C8orf89: variants seen among roughly 807,000 people sequenced by gnomAD.
C8orf89 encodes chromosome 8 open reading frame 89.
C8orf89 carries 14 observed loss-of-function variants against 15.8 expected under a neutral mutation model. That is an observed-to-expected ratio of 0.89 (90% CI 0.59 to 1.39). The LOEUF (loss-of-function observed/expected upper bound fraction) is 1.39, where lower values mean the gene tolerates loss of function less well. Ranked by LOEUF, C8orf89 falls within the 40% of genes most tolerant of loss-of-function variation. The pLI is 0.00. For synonymous variants in C8orf89, 55 were observed against 62.2 expected, an observed-to-expected ratio of 0.88 and a Z score of 0.54; for missense variants, 181 against 184.5, an observed-to-expected ratio of 0.98 and a Z score of 0.11.
intron 2 of C8orf89, 81 bp from the exon 3 acceptor site, chr8:73,250,404 T>C: frequency 1.3e-6 from 1 of 758,000 alleles, no homozygotes; most frequent in Non-Finnish European, 2.2e-6. Flanking sequence ...TAACATCACA[T>C]AGACATTAAA....
At chr8:73,271,833 A>C in the C8orf89 span, among the ~76,000 whole-genome samples, 1 of 152,156 alleles carries the variant, frequency 6.6e-6, no homozygotes, top group African/African-American at 2.4e-5. Context: ...CCATGATTCA[A>C]TTATCTCCCA....
chr8:73,271,773 A>G, the C8orf89 span, among the ~76,000 whole-genome samples: 2 of 152,112 alleles, frequency 1.3e-5, no homozygotes, highest in African/African-American at 4.8e-5. Flanking sequence ...TTGGGCTTAC[A>G]ATTCCATGTG....
chr8:73,285,797 G>A, the C8orf89 span, among the ~76,000 whole-genome samples: 6 of 152,182 alleles, frequency 3.9e-5, no homozygotes, highest in Non-Finnish European at 8.8e-5. Context: ...GGCTGGCCAC[G>A]GCGTCGGGGC....
the C8orf89 span, among the ~76,000 whole-genome samples, chr8:73,266,561 G>A: frequency 4.1e-4 from 63 of 152,302 alleles, no homozygotes; most frequent in East Asian, 7.1e-3. Flanking sequence ...CTTATGGTTT[G>A]AGGTGGCTTT....
At chr8:73,247,938 C>A (rs1035201186) in intron 3 of C8orf89, among the ~76,000 whole-genome samples, 3 of 152,008 alleles carry the variant, frequency 2.0e-5, no homozygotes, top group African/African-American at 7.2e-5. Flanking sequence ...GAAGCACTTT[C>A]GTTTAATTAG....
At chr8:73,260,386 G>A (rs568980588), upstream of C8orf89, among the ~76,000 whole-genome samples, 392 of 151,882 alleles carry the variant, frequency 2.6e-3, 3 homozygotes, top group African/African-American at 8.6e-3. Context: ...GGGGCCTGTC[G>A]TGGGGTGGGG....
In C8orf89 at chr8:73,241,461, C is replaced by T. The variant is rs759629542; in HGVS notation, c.482G>A (p.Arg161His). The change falls in exon 4 of 4, where the codon CGC becomes CAC. Residue 161 changes from arginine (R) to histidine (H), a missense_variant. Arg to His is a conservative substitution (Grantham distance 29). Coordinates refer to ENST00000624510, the MANE Select transcript of C8orf89 (RefSeq NM_001243237.3). ...KKSKKRDLRDR is the reference protein window; with the variant it reads ...KKSKKRDLRDH ...CATCACACTGTACGACATTTTTCAG[C>T]GGTCTCGGAGGTCTCGTTTCTTGCT... The T allele has an allele frequency of 7.9e-5, 120 of 1,520,430 alleles. No homozygotes were observed. The highest frequency in any genetic ancestry group is 2.8e-4 in the African/African-American group (20 of 72,508). 94.2% of individuals were successfully genotyped at this position (1,520,430 alleles called of 1,614,324 possible). A position where few individuals can be genotyped will look rare whatever the true frequency, so the allele number is the denominator to read the frequency against.
chr8:73,264,818 A>G, the C8orf89 span, among the ~76,000 whole-genome samples: 1 of 152,168 alleles, frequency 6.6e-6, no homozygotes, highest in East Asian at 1.9e-4. Flanking sequence ...TGAGATCTCA[A>G]TGGACCAGAG....
chr8:73,280,740 T>TAC, the C8orf89 span, among the ~76,000 whole-genome samples: 19 of 150,616 alleles, frequency 1.3e-4, no homozygotes, highest in African/African-American at 4.4e-4. Flanking sequence ...CACATATATA[T>TAC]ATACACACAC....
chr8:73,244,159 C>T (rs1294917613), intron 3 of C8orf89, among the ~76,000 whole-genome samples: 4 of 151,966 alleles, frequency 2.6e-5, no homozygotes, highest in Non-Finnish European at 4.4e-5. Flanking sequence ...AAAATAAAAT[C>T]GTTCACTTAA....
In C8orf89 at chr8:73,248,406, T is replaced by C. The variant is rs938252263; in HGVS notation, c.337+1862A>G. 4.6e-5 allele frequency among the ~76,000 whole-genome samples: 7 copies of C among 151,740 alleles called. No individual in the cohort carries two copies. The South Asian group carries it at 1.5e-3, about 32-fold the overall frequency. ...CCAGCTTTGTTCTTTTTGCTTAGGATTGCCTTGGCTATTTTGGCTCTTTTT... is the reference window on the plus strand; with the variant it reads ...CCAGCTTTGTTCTTTTTGCTTAGGACTGCCTTGGCTATTTTGGCTCTTTTT... On this transcript the variant is annotated intron_variant, in intron 3 of 3. Transcript: ENST00000624510.
At position 73,255,304 on chromosome 8, in the gene C8orf89, C is replaced by T. The variant is rs537680937; in HGVS notation, c.281+1669G>A. Among the ~76,000 whole-genome samples the T allele has an allele frequency of 9.3e-3, 1,409 of 152,234 alleles. 23 individuals carry two copies. Among genetic ancestry groups the T allele is most frequent in the African/African-American group, 0.032 (1,324 of 41,520 alleles). The stretch of plus-strand genomic sequence containing the variant: ...ACAAACAACCCCATCAAAAAGTGGG[C>T]GAAGGACACAAACAGACACTTCTCA... On this transcript the variant is annotated intron_variant, in intron 2 of 3. Coordinates refer to ENST00000624510, the MANE Select transcript of C8orf89 (RefSeq NM_001243237.3).
At chr8:73,244,179 C>T (rs984570710) in intron 3 of C8orf89, among the ~76,000 whole-genome samples, 1 of 152,124 alleles carries the variant, frequency 6.6e-6, no homozygotes, top group Non-Finnish European at 1.5e-5. Context: ...ACTGAAATAG[C>T]GTTAATCAAA....
chr8:73,263,390 C>T (rs1237586706), upstream of C8orf89, among the ~76,000 whole-genome samples: 1 of 152,012 alleles, frequency 6.6e-6, no homozygotes, highest in African/African-American at 2.4e-5. Context: ...TGGTGCACAC[C>T]TGTAATCCCA....
At chr8:73,274,009 C>T in the C8orf89 span, among the ~76,000 whole-genome samples, 5 of 151,852 alleles carry the variant, frequency 3.3e-5, 1 homozygote, top group Middle Eastern at 6.8e-3. Flanking sequence ...TTTTCTGAAA[C>T]GTTCATCTAA....
At chr8:73,248,610 T>C (rs760267055) in intron 3 of C8orf89, among the ~76,000 whole-genome samples, 8 of 152,178 alleles carry the variant, frequency 5.3e-5, no homozygotes, top group Non-Finnish European at 1.2e-4. Context: ...TCATCTCTGA[T>C]TTATTTGAGC....
Position 73,256,954 on chromosome 8 carries a change from T to A in C8orf89, c.281+19A>T, listed in dbSNP as rs1813405859. On this transcript the variant is annotated intron_variant, in intron 2 of 3. Transcript: ENST00000624510. ...CAAATACACATTCAACAAATGAGAA[T>A]TAAATAGCAATGATCTACCTGACTG... 6.6e-7 allele frequency: 1 copy of A among 1,517,754 alleles called. No individual in the cohort carries two copies. Among genetic ancestry groups the A allele is most frequent in the Non-Finnish European group, 8.8e-7 (1 of 1,137,850 alleles). The allele number at this position is 1,517,754 out of a possible 1,614,324, so 94.0% of individuals were successfully genotyped here.
intron 2 of C8orf89, among the ~76,000 whole-genome samples, chr8:73,250,721 T>C (rs1813228118): frequency 1.3e-5 from 2 of 152,210 alleles, no homozygotes. Context: ...TACATCTAGA[T>C]AATAAGTAGA....
the C8orf89 span, among the ~76,000 whole-genome samples, chr8:73,268,152 G>A: frequency 6.6e-6 from 1 of 152,146 alleles, no homozygotes; most frequent in Admixed American, 6.5e-5. Context: ...TCCGTATAGG[G>A]GGTAGGGATA....
Sources: gnomAD v4.1 joint callset for allele counts (sites outside exome capture counted in the v4.1 genomes callset) on GRCh38, gnomAD v4.1.1 for gene constraint, MANE v1.5 for transcripts, NCBI Gene and HGNC (gene_info 2026-07-23, HGNC 2026-07-21) for gene names.